Variants in DLG2 observed in about 807,000 individuals in gnomAD.
DLG2 encodes the protein discs large MAGUK scaffold protein 2.
A neutral mutation model predicts 132.5 loss-of-function variants in DLG2; 45 were observed. That is an observed-to-expected ratio of 0.34 (90% confidence interval 0.27 to 0.44). DLG2 has a LOEUF of 0.44. Among genes scored for constraint, DLG2 ranks in the 20% least tolerant of loss-of-function variants. The pLI, the probability that DLG2 is intolerant of heterozygous loss-of-function variation, is 1.00. For synonymous variants in DLG2, 424 were observed against 419.6 expected (o/e 1.01, Z -0.13); for missense variants, 1,045 against 1,196.9 (o/e 0.87, Z 1.87).
intron 21 of DLG2, among the ~76,000 whole-genome samples, chr11:83,507,444 G>GTA (rs1359045532): frequency 1.6e-4 from 22 of 140,068 alleles, no homozygotes; most frequent in South Asian, 4.5e-4. Context: ...ATATATATCT[G>GTA]TATATATATA....
chr11:83,692,061 T>A (rs1307467806), intron 18 of DLG2: 1 of 152,240 alleles, frequency 6.6e-6, no homozygotes, highest in African/African-American at 2.4e-5. Flanking sequence ...GCAGTGTATA[T>A]TTTTCATGTA....
At chr11:83,670,391 A>C (rs868076285) in intron 18 of DLG2, among the ~76,000 whole-genome samples, 2 of 150,962 alleles carry the variant, frequency 1.3e-5, no homozygotes, top group Non-Finnish European at 3.0e-5. Flanking sequence ...GAAAAAAAAA[A>C]CCCATCACTG....
rs1408411591 is a variant in DLG2, at chr11:83,827,427, G to T, written c.1722+6187C>A. ...TTTTTGAAATACCCATGTCAGCTGT[G>T]ACTCATTTTTACTCTTTTTAAATCA... On this transcript the variant is annotated intron_variant, in intron 17 of 27. Coordinates refer to ENST00000376104, the MANE Select transcript of DLG2 (RefSeq NM_001142699.3). Among the ~76,000 whole-genome samples the T allele has an allele frequency of 2.6e-5, 4 of 152,198 alleles. No individual in the cohort carries two copies. In the South Asian group the frequency reaches 8.3e-4, roughly 32 times the overall value.
In DLG2 at chr11:84,525,093, C is replaced by T. The variant is rs187680577; in HGVS notation, c.519+9477G>A. ...GGTAGGTACCTCTCTCTCCCCAAAG[C>T]CCATATATGGTGGTGGTGGACCTGT... is the stretch of plus-strand genomic sequence containing the variant. On this transcript the variant is annotated intron_variant, in intron 7 of 27. Transcript: ENST00000376104. Among the ~76,000 whole-genome samples, 11 of 152,184 alleles carry T rather than the reference C, an allele frequency of 7.2e-5. No individual in the cohort carries two copies. The East Asian group carries it at 2.1e-3, about 29-fold the overall frequency.
intron 6 of DLG2, among the ~76,000 whole-genome samples, chr11:84,833,934 TG>T (rs368242913): frequency 3.6e-4 from 55 of 151,752 alleles, no homozygotes; most frequent in African/African-American, 1.3e-3. Context: ...GTCAAGGGAA[TG>T]GGGCAAATAT....
chr11:84,220,146 G>A (rs555361052), intron 8 of DLG2, among the ~76,000 whole-genome samples: 7 of 152,072 alleles, frequency 4.6e-5, no homozygotes, highest in South Asian at 4.1e-4. Context: ...TAATGTGTTC[G>A]TATATTCATT....
intron 7 of DLG2, among the ~76,000 whole-genome samples, chr11:84,279,227 A>G (rs1444472430): frequency 1.3e-5 from 2 of 152,250 alleles, no homozygotes; most frequent in Non-Finnish European, 2.9e-5. Context: ...GCTCATCATC[A>G]CTGGTCATTA....
intron 7 of DLG2, among the ~76,000 whole-genome samples, chr11:84,257,244 A>C (rs1459037139): frequency 6.6e-6 from 1 of 152,162 alleles, no homozygotes; most frequent in African/African-American, 2.4e-5. Flanking sequence ...CATTGGAACG[A>C]AACTCTGTCT....
intron 18 of DLG2, among the ~76,000 whole-genome samples, chr11:83,724,470 T>TGAGAGAGAGAGA (rs1321049124): frequency 9.0e-5 from 9 of 99,482 alleles, no homozygotes. Context: ...TGTGTGTGTG[T>TGAGAGAGAGAGA]GTGTGTGAGA....
chr11:84,066,111 T>C (rs2096667101), intron 10 of DLG2, among the ~76,000 whole-genome samples: 1 of 152,046 alleles, frequency 6.6e-6, no homozygotes, highest in African/African-American at 2.4e-5. Flanking sequence ...AAACTAGCTA[T>C]CAGGTATTAT....
intron 6 of DLG2, among the ~76,000 whole-genome samples, chr11:85,077,755 G>A (rs769680047): frequency 6.6e-6 from 1 of 152,016 alleles, no homozygotes. Flanking sequence ...GAAGAAAAAA[G>A]AAAAGTCAAG....
chr11:84,303,917 C>T (rs61899209), intron 7 of DLG2, among the ~76,000 whole-genome samples: 2,048 of 152,082 alleles, frequency 0.013, 21 homozygotes, highest in Middle Eastern at 0.024. Flanking sequence ...TATACAAGGC[C>T]CTGTATTAAT....
chr11:84,995,005 T>C (rs1450832734), intron 6 of DLG2, among the ~76,000 whole-genome samples: 2 of 152,174 alleles, frequency 1.3e-5, no homozygotes, highest in Non-Finnish European at 2.9e-5. Flanking sequence ...AGAAATCTCC[T>C]AGGAGACCCA....
rs556103944 is a variant in DLG2 at position 83,918,839 on chromosome 11, TC to T, written c.1496+11488del. On this transcript the variant is annotated intron_variant, in intron 15 of 27. Coordinates refer to ENST00000376104, the MANE Select transcript of DLG2 (RefSeq NM_001142699.3). ...ACAGCCCAAGGTGGAAAAATCTTGG[TC>T]AAAAAAAAAAAGTCTTTGTAAAATA... is the stretch of plus-strand genomic sequence containing the variant. Among the ~76,000 whole-genome samples the T allele has an allele frequency of 3.5e-4, 15 of 42,436 alleles. No homozygotes were observed. In the East Asian group the frequency reaches 8.8e-3, roughly 25 times the overall value. 27.8% of individuals were successfully genotyped at this position (42,436 alleles called of 152,430 possible).
chr11:84,150,222 T>C (rs1199982236), intron 9 of DLG2, among the ~76,000 whole-genome samples: 1 of 152,250 alleles, frequency 6.6e-6, no homozygotes, highest in Non-Finnish European at 1.5e-5. Context: ...GTTTGTGTCA[T>C]CTCTGATTTC....
intron 18 of DLG2, among the ~76,000 whole-genome samples, chr11:83,759,772 A>G (rs2093819565): frequency 6.6e-6 from 1 of 152,140 alleles, no homozygotes; most frequent in Non-Finnish European, 1.5e-5. Context: ...AGTAGCTAAG[A>G]TGGACTGCCA....
At position 83,750,592 on chromosome 11, in the gene DLG2, A is replaced by T. The variant is rs377595889; in HGVS notation, c.1825+36098T>A. Among the ~76,000 whole-genome samples the T allele has an allele frequency of 6.6e-5, 10 of 152,308 alleles. No individual in the cohort carries two copies. The East Asian group carries it at 7.7e-4, about 12-fold the overall frequency. ...TGTTCTACATATAGACATTTCAAAT[A>T]ATGTGCCATTTGAACAAATGGTTCC... On this transcript the variant is annotated intron_variant, in intron 18 of 27. Coordinates refer to ENST00000376104, the MANE Select transcript of DLG2 (RefSeq NM_001142699.3).
intron 6 of DLG2, among the ~76,000 whole-genome samples, chr11:84,893,261 C>A (rs1036622022): frequency 4.6e-5 from 7 of 152,176 alleles, no homozygotes; most frequent in Non-Finnish European, 8.8e-5. Context: ...AGCACCACCT[C>A]ATCAAGAGTT....
chr11:84,777,289 A>G (rs1484786965), intron 6 of DLG2, among the ~76,000 whole-genome samples: 62 of 22,080 alleles, frequency 2.8e-3, no homozygotes, highest in African/African-American at 7.0e-3. Flanking sequence ...GTGTATATAT[A>G]TATATATATA....
Sources: gnomAD v4.1 joint callset for allele counts (sites outside exome capture counted in the v4.1 genomes callset) on GRCh38, gnomAD v4.1.1 for gene constraint, MANE v1.5 for transcripts, NCBI Gene and HGNC (gene_info 2026-07-23, HGNC 2026-07-21) for gene names.